Variants in VPS8 observed in about 807,000 individuals in gnomAD.
VPS8 encodes vacuolar protein sorting-associated protein 8 homolog.
In VPS8, 129 loss-of-function variants were observed where a neutral mutation model predicts 216.4. The ratio of observed to expected loss-of-function variants is 0.60; its 90% CI spans 0.52 to 0.69. The LOEUF is 0.69. Ranked by LOEUF, VPS8 falls within the 30% of genes least tolerant of loss-of-function variation. The pLI, the probability that VPS8 is intolerant of heterozygous loss-of-function variation, is 0.00. For missense variants in VPS8, 1,531 were observed against 1,683.5 expected, an observed-to-expected ratio of 0.91 and a Z score of 1.59; for synonymous variants, 571 against 565.4, an observed-to-expected ratio of 1.01 and a Z score of -0.14.
intron 9 of VPS8, 86 bp from the exon 10 acceptor site, chr3:184,849,850 A>C (rs1405939390): frequency 1.0e-5 from 10 of 979,248 alleles, no homozygotes; most frequent in Non-Finnish European, 1.6e-5. Context: ...TAGTCAAGGA[A>C]TAGATTATTC....
rs553117967 is a variant in VPS8, at chr3:184,937,896, C to T, written c.2988+1561C>T. 1.2e-4 allele frequency among the ~76,000 whole-genome samples: 19 copies of T among 152,244 alleles called. 1 individual carries two copies. In the South Asian group the frequency reaches 3.9e-3, roughly 32 times the overall value. On this transcript the variant is annotated intron_variant, in intron 35 of 47. Transcript: ENST00000625842. Reference sequence around the variant, plus strand: ...GGGGTTGCAAAATACAGCTTGGAGACAAATACGAAACGGTTTCACATGTGA... The same window carrying T: ...GGGGTTGCAAAATACAGCTTGGAGATAAATACGAAACGGTTTCACATGTGA...
At chr3:185,047,117 C>T (rs1474463006) in intron 46 of VPS8, among the ~76,000 whole-genome samples, 2 of 152,192 alleles carry the variant, frequency 1.3e-5, no homozygotes, top group Middle Eastern at 3.2e-3. Context: ...TGCCTGTGCA[C>T]GTTGCTCTGA....
chr3:185,037,165 TCAA>T (rs1759036546), intron 46 of VPS8, among the ~76,000 whole-genome samples: 1 of 151,904 alleles, frequency 6.6e-6, no homozygotes, highest in South Asian at 2.1e-4. Context: ...GGTCTGCCTA[TCAA>T]CAAATTCTCT....
At chr3:185,025,762 C>T (rs1757257425) in intron 46 of VPS8, among the ~76,000 whole-genome samples, 1 of 152,180 alleles carries the variant, frequency 6.6e-6, no homozygotes, top group South Asian at 2.1e-4. Flanking sequence ...TGTCTTAGCT[C>T]TCCAATGTTA....
In VPS8 at chr3:184,982,614, T is replaced by C. The variant is rs749088948; in HGVS notation, c.3469T>C (p.Ser1157Pro). 6.2e-7 allele frequency: 1 copy of C among 1,613,470 alleles called. No homozygotes were observed. Among genetic ancestry groups the C allele is most frequent in the East Asian group, 2.2e-5 (1 of 44,858 alleles). ...GGCAATGATGGCCCCTCAGAAGCTGTCCAGTTCAGCCATTCCTCATCTACA... is the reference window on the plus strand; with the variant it reads ...GGCAATGATGGCCCCTCAGAAGCTGCCCAGTTCAGCCATTCCTCATCTACA... Reference protein sequence around the residue: ...LEAMMAPQKLSSSAIPHLHSE... With the variant: ...LEAMMAPQKLPSSAIPHLHSE... Residue 1157 changes from serine (S) to proline (P), a missense_variant, in exon 41 of 48, where the codon TCC becomes CCC. Around this residue, in one of 3 missense-constraint regions of VPS8, gnomAD observed 1,318 missense variants for 1,468.4 expected, o/e 0.90. Transcript: ENST00000625842.
intron 3 of VPS8, among the ~76,000 whole-genome samples, chr3:184,829,364 C>T (rs973916900): frequency 6.6e-6 from 1 of 152,114 alleles, no homozygotes; most frequent in African/African-American, 2.4e-5. Context: ...CCGGCATGCA[C>T]CACCATACGT....
intron 21 of VPS8, among the ~76,000 whole-genome samples, chr3:184,875,822 C>CAAA (rs59957370): frequency 4.1e-5 from 3 of 72,544 alleles, no homozygotes; most frequent in Non-Finnish European, 5.7e-5. Context: ...CTTGTCTCTA[C>CAAA]AAAAAAAAAA....
chr3:185,028,292 G>T (rs1444794129), intron 46 of VPS8, among the ~76,000 whole-genome samples: 5 of 152,212 alleles, frequency 3.3e-5, no homozygotes, highest in Admixed American at 1.3e-4. Context: ...CAGATTAGGG[G>T]TCAGGAAAGG....
At position 184,886,603 on chromosome 3, in the gene VPS8, G is replaced by A. The variant is rs1367350655; in HGVS notation, c.1781+447G>A. 5.4e-5 allele frequency among the ~76,000 whole-genome samples: 8 copies of A among 147,702 alleles called. No homozygotes were observed. The East Asian group carries it at 1.2e-3, about 22-fold the overall frequency. On this transcript the variant is annotated intron_variant, in intron 22 of 47. Transcript: ENST00000625842. The stretch of plus-strand genomic sequence containing the variant: ...ATATATACTTTTTTTTTTTTGAGAC[G>A]GAATCTCGCCCTGTCACCCAGGCTG...
chr3:184,966,628 TA>T, intron 38 of VPS8, 42 bp from the exon 39 acceptor site: 1 of 1,421,928 alleles, frequency 7.0e-7, no homozygotes, highest in Non-Finnish European at 9.6e-7. Flanking sequence ...GGTAGAACTA[TA>T]AAGTGTTCCT....
At chr3:184,930,265 T>C (rs568489440) in intron 33 of VPS8, among the ~76,000 whole-genome samples, 42 of 152,166 alleles carry the variant, frequency 2.8e-4, no homozygotes, top group Non-Finnish European at 5.4e-4. Flanking sequence ...CAAAATTAAT[T>C]AGAACTGATT....
At chr3:184,834,787 C>T (rs748331910) in intron 5 of VPS8, 45 bp downstream of exon 5, 26 of 1,428,512 alleles carry the variant, frequency 1.8e-5, no homozygotes, top group South Asian at 1.3e-5. Flanking sequence ...CCTGCAATGG[C>T]ATAATGAAGT....
In VPS8 at chr3:184,870,766, A is replaced by G; in HGVS notation, c.1695A>G (p.Pro565=). ...CAGATCGAGCTCTGAAAAAGTGCCC[A>G]GACCAAGGAAAAATCCAAGTGATGG... is the stretch of plus-strand genomic sequence containing the variant. ...HYADRALKKC[P]DQGKIQVMEQ... is the part of the protein sequence containing the mutation. Residue 565 remains proline, a synonymous_variant, in exon 21 of 48, where the codon CCA becomes CCG. Coordinates refer to ENST00000625842, the MANE Select transcript of VPS8 (RefSeq NM_001009921.3). 1 of 1,612,516 alleles carries G rather than the reference A, an allele frequency of 6.2e-7. No homozygotes were observed. Among genetic ancestry groups the G allele is most frequent in the South Asian group, 1.1e-5 (1 of 90,726 alleles).
intron 5 of VPS8, among the ~76,000 whole-genome samples, chr3:184,835,329 G>T (rs1720827271): frequency 6.6e-6 from 1 of 152,132 alleles, no homozygotes; most frequent in Non-Finnish European, 1.5e-5. Flanking sequence ...GGGGTTTCTG[G>T]CTTCAAGTGT....
chr3:184,850,645 T>C (rs1321009262), intron 10 of VPS8, among the ~76,000 whole-genome samples: 1 of 152,246 alleles, frequency 6.6e-6, no homozygotes, highest in African/African-American at 2.4e-5. Context: ...ATGTGAATGT[T>C]GATTCTTCCA....
At chr3:184,969,533 G>A (rs938076511) in intron 39 of VPS8, among the ~76,000 whole-genome samples, 7 of 145,252 alleles carry the variant, frequency 4.8e-5, no homozygotes, top group East Asian at 2.1e-4. Context: ...GGGTTCAAGC[G>A]ATCCTCCTGC....
At chr3:184,900,625 G>A (rs191957475) in intron 24 of VPS8, among the ~76,000 whole-genome samples, 1 of 152,088 alleles carries the variant, frequency 6.6e-6, no homozygotes, top group East Asian at 1.9e-4. Flanking sequence ...GTTTTTAAAA[G>A]AATAAAGCGT....
At chr3:184,908,984 C>T (rs1241300224) in intron 25 of VPS8, among the ~76,000 whole-genome samples, 7 of 152,226 alleles carry the variant, frequency 4.6e-5, no homozygotes, top group African/African-American at 9.6e-5. Flanking sequence ...CAGAAGTTCT[C>T]ACTCCAAGTT....
chr3:184,852,373 CTAGTT>C lies in VPS8; in HGVS notation c.754-123_754-119del, dbSNP rs569973582. ...AAGTTTAGAGTGATGAGCACTGAAT[CTAGTT>C]TAGGTTATTTCAAAAGCTATTAAAT... is the stretch of plus-strand genomic sequence containing the variant. On this transcript the variant is annotated intron_variant, in intron 10 of 47. Transcript: ENST00000625842. 1,373 of 701,198 alleles carry C rather than the reference CTAGTT, an allele frequency of 2.0e-3. 6 individuals carry two copies. Among genetic ancestry groups the C allele is most frequent in the Admixed American group, 3.4e-3 (115 of 33,560 alleles). 43.4% of individuals were successfully genotyped at this position (701,198 alleles called of 1,614,324 possible).
Sources: allele counts gnomAD v4.1 joint callset (sites outside exome capture counted in the v4.1 genomes callset), GRCh38; gene constraint gnomAD v4.1.1; regional missense constraint gnomAD v4.1.1; transcripts MANE v1.5; gene names NCBI Gene and HGNC (gene_info 2026-07-23, HGNC 2026-07-21).